The following CCDC61 variants were observed in gnomAD, a reference collection of about 807,000 sequenced individuals.
CCDC61 encodes the protein centrosomal protein CCDC61.
In CCDC61, 55 loss-of-function variants were observed where a neutral mutation model predicts 63.0. The ratio of observed to expected loss-of-function variants is 0.87; its 90% CI spans 0.70 to 1.09. The LOEUF is 1.09. CCDC61 is among the 50% of genes least tolerant of loss of function. CCDC61 has a pLI of 0.00. For synonymous variants in CCDC61, 270 were observed against 317.0 expected (o/e 0.85, Z 1.58); for missense variants, 651 against 731.4 (o/e 0.89, Z 1.27).
intron 1 of CCDC61, chr19:46,000,092 G>A: frequency 8.1e-6 from 8 of 983,306 alleles, no homozygotes; most frequent in Non-Finnish European, 9.7e-6. Context: ...GAGGGGAGAG[G>A]GGGCTCAGGG....
chr19:46,002,166 G>A (rs1340018975), intron 1 of CCDC61, among the ~76,000 whole-genome samples: 1 of 151,396 alleles, frequency 6.6e-6, no homozygotes, highest in South Asian at 2.1e-4. Context: ...AGGCTGGTCT[G>A]GAACTCCTGA....
chr19:46,005,160 G>A (rs762886415), intron 3 of CCDC61, among the ~76,000 whole-genome samples: 15 of 152,056 alleles, frequency 9.9e-5, no homozygotes, highest in East Asian at 5.8e-4. Context: ...ACAGGCATGC[G>A]CCATCATGCC....
At chr19:46,003,557 AG>A in intron 3 of CCDC61, 56 bp downstream of exon 3, 8 of 1,311,884 alleles carry the variant, frequency 6.1e-6, no homozygotes, top group South Asian at 3.7e-5. Context: ...TCCAGGTTCC[AG>A]GGGGGTTGAT....
At position 46,015,141 on chromosome 19, in the gene CCDC61, A is replaced by G. The variant is rs1243445716; in HGVS notation, c.644A>G (p.Glu215Gly). 1.5e-4 allele frequency: 193 copies of G among 1,274,402 alleles called. No homozygotes were observed. Among genetic ancestry groups the G allele is most frequent in the Non-Finnish European group, 1.8e-4 (182 of 1,014,140 alleles). The allele number at this position is 1,274,402 out of a possible 1,614,324, so 78.9% of individuals were successfully genotyped here. A position where few individuals can be genotyped will look rare whatever the true frequency, so the allele number is the denominator to read the frequency against. The change falls in exon 6 of 14, where the codon GAG becomes GGG. Residue 215 changes from glutamate (E) to glycine (G), a missense_variant. By Grantham distance (98) the Glu-to-Gly change is moderately conservative (BLOSUM62 -2). Coordinates refer to ENST00000595358, the MANE Select transcript of CCDC61 (RefSeq NM_001267723.2). This position sits in a 1 kb window ranked among gnomAD's most constrained non-coding sequence, Gnocchi z 5.3. ...EALAGRAARQ[E>G]AEALRGLVRG... The stretch of plus-strand genomic sequence containing the variant: ...CTGGCCGGGCGCGCGGCACGCCAGG[A>G]GGCCGAGGCGCTGCGCGGGCTGGTG...
chr19:46,004,301 T>G (rs1034629521), intron 3 of CCDC61, among the ~76,000 whole-genome samples: 1 of 152,212 alleles, frequency 6.6e-6, no homozygotes, highest in Non-Finnish European at 1.5e-5. Context: ...TCAGTGAATA[T>G]AGCCATTCAT....
At chr19:46,005,791 GT>G (rs34247024) in intron 3 of CCDC61, among the ~76,000 whole-genome samples, 2,398 of 144,256 alleles carry the variant, frequency 0.017, 67 homozygotes, top group African/African-American at 0.058. Flanking sequence ...TCTGTCAGTC[GT>G]TTTTTTTTTT....
intron 1 of CCDC61, among the ~76,000 whole-genome samples, chr19:46,002,316 T>C (rs1968606086): frequency 1.3e-5 from 2 of 152,084 alleles, no homozygotes; most frequent in Admixed American, 1.3e-4. Flanking sequence ...GCTTGACTTT[T>C]CTCCACAAAT....
chr19:46,000,086 GGA>G (rs1021614653), intron 1 of CCDC61: 2 of 984,622 alleles, frequency 2.0e-6, no homozygotes, highest in African/African-American at 3.5e-5. Context: ...CGGCGGGAGG[GGA>G]GAGGGGGCTC....
rs57007585 is a variant in CCDC61 at position 46,016,953 on chromosome 19, A to C, written c.1232-38A>C. Reference sequence around the variant, plus strand: ...GGCCTGGGAAGCACTGGGCGGGGCCAGCGAGGGCCAGCGGTCACGCCCTCC... The same window carrying C: ...GGCCTGGGAAGCACTGGGCGGGGCCCGCGAGGGCCAGCGGTCACGCCCTCC... On this transcript the variant is annotated intron_variant, in intron 10 of 13. Coordinates refer to ENST00000595358, the MANE Select transcript of CCDC61 (RefSeq NM_001267723.2). The surrounding 1 kb of genome is among the most constrained non-coding windows in gnomAD (Gnocchi z 7.2). The C allele has an allele frequency of 8.8e-4, 1,390 of 1,579,058 alleles. 13 individuals carry two copies. In the African/African-American group the frequency reaches 0.017, roughly 20 times the overall value.
chr19:46,006,934 A>C (rs540246484), intron 4 of CCDC61, among the ~76,000 whole-genome samples: 12 of 152,340 alleles, frequency 7.9e-5, no homozygotes, highest in African/African-American at 2.9e-4. Context: ...ACATCAAACA[A>C]ATAATACGTC....
At chr19:46,000,816 G>A (rs1293101303) in intron 1 of CCDC61, among the ~76,000 whole-genome samples, 1 of 151,912 alleles carries the variant, frequency 6.6e-6, no homozygotes, top group Non-Finnish European at 1.5e-5. Context: ...TGGGATCAGG[G>A]CGGGGTGGGG....
rs766527288 is a variant in CCDC61, at chr19:46,003,003, T to C, written c.-11-5T>C. On this transcript the variant is annotated splice_region_variant and splice_polypyrimidine_tract_variant and intron_variant, in intron 1 of 13. Coordinates refer to ENST00000595358, the MANE Select transcript of CCDC61 (RefSeq NM_001267723.2). ...TCTAGGTTTCTCTCTCATCTCCTTC[T>C]CCAGCAACCTTGGCCATGGACCAGC... The C allele has an allele frequency of 1.1e-4, 175 of 1,552,812 alleles. No homozygotes were observed. The highest frequency in any genetic ancestry group is 1.5e-4 in the Non-Finnish European group (167 of 1,147,552).
chr19:46,016,869 CG>C lies in CCDC61; in HGVS notation c.1231+39del. ...TGGAGCTGGGGGCTGCCGGGCTAGG[CG>C]GGACTGGGCGGGGCTGGGCGGGCTG... On this transcript the variant is annotated intron_variant, in intron 10 of 13. Coordinates refer to ENST00000595358, the MANE Select transcript of CCDC61 (RefSeq NM_001267723.2). This position sits in a 1 kb window ranked among gnomAD's most constrained non-coding sequence, Gnocchi z 7.2. The C allele has an allele frequency of 1.2e-6, 1 of 812,646 alleles. No individual in the cohort carries two copies. 50.3% of individuals were successfully genotyped at this position (812,646 alleles called of 1,614,324 possible). A position where few individuals can be genotyped will look rare whatever the true frequency, so the allele number is the denominator to read the frequency against.
Position 46,016,888 on chromosome 19 carries a change from G to A in CCDC61, c.1231+55G>A. Reference sequence around the variant, plus strand: ...GCTAGGCGGGACTGGGCGGGGCTGGGCGGGCTGGGAGGCACTGGGCAGGGC... The same window carrying A: ...GCTAGGCGGGACTGGGCGGGGCTGGACGGGCTGGGAGGCACTGGGCAGGGC... On this transcript the variant is annotated intron_variant, in intron 10 of 13. Transcript: ENST00000595358. The surrounding 1 kb of genome is among the most constrained non-coding windows in gnomAD (Gnocchi z 7.2). The A allele has an allele frequency of 6.6e-7, 1 of 1,504,274 alleles. No individual in the cohort carries two copies. Among genetic ancestry groups the A allele is most frequent in the Non-Finnish European group, 8.9e-7 (1 of 1,120,866 alleles). 93.2% of individuals were successfully genotyped at this position (1,504,274 alleles called of 1,614,324 possible). A position where few individuals can be genotyped will look rare whatever the true frequency, so the allele number is the denominator to read the frequency against.
intron 3 of CCDC61, among the ~76,000 whole-genome samples, chr19:46,006,152 C>G (rs1437850915): frequency 6.6e-6 from 1 of 152,180 alleles, no homozygotes; most frequent in Non-Finnish European, 1.5e-5. Flanking sequence ...TTGATTTCTC[C>G]TAAGGCACCA....
In CCDC61 at chr19:46,013,017, AT is replaced by A. The variant is rs547379016; in HGVS notation, c.552-2020del. ...CAGGCACATGGCACCATGCCAAGCT[AT>A]TTTTTTTTTTTGAGACAAAGTCTTG... is the stretch of plus-strand genomic sequence containing the variant. On this transcript the variant is annotated intron_variant, in intron 5 of 13. Transcript: ENST00000595358. Among the ~76,000 whole-genome samples the A allele has an allele frequency of 2.9e-3, 422 of 144,452 alleles. 1 individual carries two copies. Among genetic ancestry groups the A allele is most frequent in the African/African-American group, 8.4e-3 (333 of 39,528 alleles). The allele number at this position is 144,452 out of a possible 152,430, so 94.8% of individuals were successfully genotyped here.
chr19:45,997,446 A>C (rs181589019), intron 1 of CCDC61, among the ~76,000 whole-genome samples: 244 of 152,278 alleles, frequency 1.6e-3, no homozygotes, highest in Admixed American at 3.5e-3. Flanking sequence ...GCTGGAGTGC[A>C]GTGGCGCGAT....
At position 46,015,136 on chromosome 19, in the gene CCDC61, C is replaced by A. The variant is rs1968900757; in HGVS notation, c.639C>A (p.Arg213=). The change falls in exon 6 of 14, where the codon CGC becomes CGA. Residue 213 remains arginine, a synonymous_variant. Coordinates refer to ENST00000595358, the MANE Select transcript of CCDC61 (RefSeq NM_001267723.2). The surrounding 1 kb of genome is among the most constrained non-coding windows in gnomAD (Gnocchi z 5.3). ...AGGCGCTGGCCGGGCGCGCGGCACG[C>A]CAGGAGGCCGAGGCGCTGCGCGGGC... The part of the protein sequence containing the change: ...REEALAGRAA[R]QEAEALRGLV... 6 of 1,282,938 alleles carry A rather than the reference C, an allele frequency of 4.7e-6. No individual in the cohort carries two copies. The highest frequency in any genetic ancestry group is 5.9e-6 in the Non-Finnish European group (6 of 1,018,584). 79.5% of individuals were successfully genotyped at this position (1,282,938 alleles called of 1,614,324 possible).
chr19:46,006,265 A>C (rs1487094301), intron 3 of CCDC61, among the ~76,000 whole-genome samples: 1 of 152,220 alleles, frequency 6.6e-6, no homozygotes, highest in Non-Finnish European at 1.5e-5. Flanking sequence ...CTTTGACCTC[A>C]GTGGAGATCC....
Sources: allele counts gnomAD v4.1 joint callset (sites outside exome capture counted in the v4.1 genomes callset), GRCh38; gene constraint gnomAD v4.1.1; non-coding constraint Gnocchi (gnomAD v3.1); transcripts MANE v1.5; gene names NCBI Gene and HGNC (gene_info 2026-07-23, HGNC 2026-07-21).